MBD2: variants seen among roughly 807,000 people sequenced by gnomAD.
MBD2 encodes the protein methyl-CpG-binding domain protein 2.
MBD2 carries 9 observed loss-of-function variants against 39.3 expected under a neutral mutation model. The observed-to-expected ratio is 0.23, with a 90% confidence interval of 0.14 to 0.40. MBD2 has a LOEUF of 0.40. Ranked by LOEUF, MBD2 falls within the 10% of genes least tolerant of loss-of-function variation. MBD2 has a pLI of 1.00. For synonymous variants in MBD2, 233 were observed against 211.1 expected (o/e 1.10, Z -0.90); for missense variants, 458 against 532.6 (o/e 0.86, Z 1.38).
At chr18:54,221,988 C>T (rs2086617691) in intron 1 of MBD2, among the ~76,000 whole-genome samples, 2 of 152,138 alleles carry the variant, frequency 1.3e-5, no homozygotes, top group Admixed American at 1.3e-4. Context: ...AGGAGAACTG[C>T]CACAGAGTAA....
In MBD2 at chr18:54,224,376, C is replaced by A; in HGVS notation, c.184G>T (p.Gly62Trp). ...CCCCGGCCCGCCTGCTTCCACCGCC[C>A]CCGGCCACGGCCGCCGCCCCGAGCG... The part of the protein sequence containing the change: ...EGARGGGRGR[G>W]RWKQAGRGGG... The change falls in exon 1 of 7, where the codon GGG (glycine) becomes TGG (tryptophan). Residue 62 changes from glycine (G) to tryptophan (W), a missense_variant. This residue lies in a region of MBD2 where 269 missense variants were observed against 236.0 expected (regional missense o/e 1.14). Transcript: ENST00000256429. 1 of 1,218,024 alleles carries A rather than the reference C, an allele frequency of 8.2e-7. No individual in the cohort carries two copies. Among genetic ancestry groups the A allele is most frequent in the Non-Finnish European group, 1.0e-6 (1 of 977,608 alleles). 75.5% of individuals were successfully genotyped at this position (1,218,024 alleles called of 1,614,324 possible).
At chr18:54,193,632 A>G (rs2086340793) in intron 2 of MBD2, among the ~76,000 whole-genome samples, 1 of 152,164 alleles carries the variant, frequency 6.6e-6, no homozygotes, top group African/African-American at 2.4e-5. Flanking sequence ...ACAAAAATTA[A>G]TTTTTAAAAA....
intron 3 of MBD2, among the ~76,000 whole-genome samples, chr18:54,169,486 T>C (rs530999890): frequency 1.3e-5 from 2 of 152,296 alleles, no homozygotes; most frequent in African/African-American, 2.4e-5. Flanking sequence ...CTTGGGTGAG[T>C]AGGTTTTTCT....
chr18:54,163,833 C>T (rs961939963), intron 5 of MBD2, among the ~76,000 whole-genome samples: 2 of 151,884 alleles, frequency 1.3e-5, no homozygotes, highest in African/African-American at 2.4e-5. Flanking sequence ...GGTTTCCAGA[C>T]AAACCAGTGA....
At position 54,152,950 on chromosome 18, in the gene MBD2, T is replaced by G. The variant is rs1464996692; in HGVS notation, c.*2374A>C. The G allele has an allele frequency of 6.6e-6, 1 of 152,248 alleles. No individual in the cohort carries two copies. Among genetic ancestry groups the G allele is most frequent in the Non-Finnish European group, 1.5e-5 (1 of 68,058 alleles). The allele number at this position is 152,248 out of a possible 1,614,324, so 9.4% of individuals were successfully genotyped here. ...GTTCTCCTAATTTCAAAGTGTGTGC[T>G]CTTAAAAATCACTCTAAACTGCATA... is the stretch of plus-strand genomic sequence containing the variant. On this transcript the variant is annotated 3_prime_UTR_variant, in exon 7 of 7. Coordinates refer to ENST00000256429, the MANE Select transcript of MBD2 (RefSeq NM_003927.5).
At chr18:54,213,047 C>T (rs1391270508) in intron 1 of MBD2, among the ~76,000 whole-genome samples, 1 of 66,832 alleles carries the variant, frequency 1.5e-5, no homozygotes, top group African/African-American at 6.1e-5. Flanking sequence ...AAAAAAAATT[C>T]CTTGGCAGTG....
intron 1 of MBD2, among the ~76,000 whole-genome samples, chr18:54,205,959 C>CAT (rs915637201): frequency 8.6e-5 from 10 of 115,608 alleles, no homozygotes; most frequent in African/African-American, 1.7e-4. Context: ...CACACACATA[C>CAT]ACACACACAC....
intron 2 of MBD2, among the ~76,000 whole-genome samples, chr18:54,193,892 G>T (rs2086343030): frequency 2.0e-5 from 3 of 152,100 alleles, no homozygotes; most frequent in Non-Finnish European, 2.9e-5. Context: ...ATATTAAGCA[G>T]ATTTCAAATG....
chr18:54,200,870 G>C (rs543337482), intron 2 of MBD2, among the ~76,000 whole-genome samples: 7 of 152,152 alleles, frequency 4.6e-5, no homozygotes, highest in Middle Eastern at 3.4e-3. Flanking sequence ...ACGAGGTCAG[G>C]AGATCGAGAC....
At chr18:54,196,045 G>T (rs969359933) in intron 2 of MBD2, among the ~76,000 whole-genome samples, 1 of 152,082 alleles carries the variant, frequency 6.6e-6, no homozygotes, top group African/African-American at 2.4e-5. Context: ...ACAATTCTTC[G>T]TAAGTTTTTA....
chr18:54,157,375 C>G (rs969928520), intron 6 of MBD2, among the ~76,000 whole-genome samples: 4 of 152,036 alleles, frequency 2.6e-5, no homozygotes, highest in South Asian at 2.1e-4. Flanking sequence ...ATTCTCCTGC[C>G]TCAGCCTCTC....
At chr18:54,159,142 C>T (rs769096626) in intron 6 of MBD2, among the ~76,000 whole-genome samples, 33 of 152,254 alleles carry the variant, frequency 2.2e-4, no homozygotes, top group East Asian at 1.9e-4. Context: ...TTCCTCCCTA[C>T]ATGACAAAGT....
intron 1 of MBD2, among the ~76,000 whole-genome samples, chr18:54,219,583 T>C (rs2086592625): frequency 6.6e-6 from 1 of 152,232 alleles, no homozygotes; most frequent in Non-Finnish European, 1.5e-5. Context: ...AAGAAGACTT[T>C]AACACAAATA....
In MBD2 at chr18:54,209,542, C is replaced by T. The variant is rs546846786; in HGVS notation, c.543-4385G>A. Among the ~76,000 whole-genome samples the T allele has an allele frequency of 2.0e-5, 3 of 152,220 alleles. No individual in the cohort carries two copies. The South Asian group carries it at 6.2e-4, about 32-fold the overall frequency. On this transcript the variant is annotated intron_variant, in intron 1 of 6. Transcript: ENST00000256429. Reference sequence around the variant, plus strand: ...GTATTGGATAGCTACAAGTATCTATCATATATACTGCTGCCTTCAGAAAAC... The same window carrying T: ...GTATTGGATAGCTACAAGTATCTATTATATATACTGCTGCCTTCAGAAAAC...
intron 1 of MBD2, 79 bp from the exon 2 acceptor site, chr18:54,205,236 C>T: frequency 8.3e-7 from 1 of 1,204,738 alleles, no homozygotes; most frequent in Non-Finnish European, 1.2e-6. Context: ...TTCCCCTACC[C>T]TCAATTGATA....
chr18:54,217,272 G>A (rs1162447150), intron 1 of MBD2, among the ~76,000 whole-genome samples: 1 of 152,088 alleles, frequency 6.6e-6, no homozygotes, highest in Non-Finnish European at 1.5e-5. Context: ...GTTTGAATTT[G>A]TATTATACTG....
Position 54,189,021 on chromosome 18 carries a change from T to C in MBD2, c.703-10A>G. 1 of 1,543,044 alleles carries C rather than the reference T, an allele frequency of 6.5e-7. No individual in the cohort carries two copies. The highest frequency in any genetic ancestry group is 8.8e-7 in the Non-Finnish European group (1 of 1,133,904). On this transcript the variant is annotated splice_polypyrimidine_tract_variant and intron_variant, in intron 2 of 6. Coordinates refer to ENST00000256429, the MANE Select transcript of MBD2 (RefSeq NM_003927.5). ...TCAAGTCTGGTTTACCCTGTGAATA[T>C]AAATGTATTTTTATTTAAAATATTA...
In MBD2 at chr18:54,191,811, A is replaced by C. The variant is rs564410906; in HGVS notation, c.703-2800T>G. Reference sequence around the variant, plus strand: ...GGCAATCCTGTCATTCCTTTATCTCATTTTTTTCCCCCAATGTCTCTGCTT... The same window carrying C: ...GGCAATCCTGTCATTCCTTTATCTCCTTTTTTTCCCCCAATGTCTCTGCTT... On this transcript the variant is annotated intron_variant, in intron 2 of 6. Transcript: ENST00000256429. Among the ~76,000 whole-genome samples the C allele has an allele frequency of 3.3e-5, 5 of 151,598 alleles. No individual in the cohort carries two copies. The South Asian group carries it at 1.0e-3, about 32-fold the overall frequency.
intron 1 of MBD2, among the ~76,000 whole-genome samples, chr18:54,216,275 A>G (rs970770303): frequency 2.0e-4 from 31 of 152,230 alleles, no homozygotes; most frequent in African/African-American, 7.2e-4. Context: ...CAGCTATTCA[A>G]TATTTGTATA....
Sources: allele counts gnomAD v4.1 joint callset (sites outside exome capture counted in the v4.1 genomes callset), GRCh38; gene constraint gnomAD v4.1.1; regional missense constraint gnomAD v4.1.1; transcripts MANE v1.5; gene names NCBI Gene and HGNC (gene_info 2026-07-23, HGNC 2026-07-21).